The following NCAM1 variants were observed in gnomAD, a reference collection of about 807,000 sequenced individuals.
NCAM1 encodes neural cell adhesion molecule 1, also known as antigen recognized by monoclonal antibody 5.1H11.
A neutral mutation model predicts 109.8 loss-of-function variants in NCAM1; 14 were observed. The observed-to-expected ratio is 0.13, with a 90% CI of 0.08 to 0.20. NCAM1 has a LOEUF of 0.20. Ranked by LOEUF, NCAM1 falls within the 10% of genes least tolerant of loss-of-function variation. NCAM1 has a pLI of 1.00. For synonymous variants in NCAM1, 418 were observed against 442.9 expected (o/e 0.94, Z 0.70); for missense variants, 774 against 1,109.9 (o/e 0.70, Z 4.30).
At chr11:113,054,772 T>C (rs1953630033) in intron 1 of NCAM1, among the ~76,000 whole-genome samples, 1 of 152,188 alleles carries the variant, frequency 6.6e-6, no homozygotes, top group South Asian at 2.1e-4. Context: ...TCTACAATGT[T>C]GCTTGAAAGG....
At chr11:113,039,484 C>T (rs1475523482) in intron 1 of NCAM1, among the ~76,000 whole-genome samples, 1 of 152,200 alleles carries the variant, frequency 6.6e-6, no homozygotes, top group Non-Finnish European at 1.5e-5. Flanking sequence ...CTTCAGTCAT[C>T]TCAAGAACCA....
chr11:113,172,419 G>C (rs1555106396), intron 1 of NCAM1, among the ~76,000 whole-genome samples: 1 of 152,084 alleles, frequency 6.6e-6, no homozygotes, highest in African/African-American at 2.4e-5. Context: ...GATCCTCATT[G>C]TGTTCTGGAA....
Position 113,271,870 on chromosome 11 carries a change from A to G in NCAM1, c.2450A>G (p.Glu817Gly), listed in dbSNP as rs1182629469. The change falls in exon 19 of 20, where the codon GAG becomes GGG. Residue 817 changes from glutamate (E) to glycine (G), a missense_variant. Glu to Gly is a moderately conservative substitution (Grantham distance 98). This residue lies in a region of NCAM1 where 122 missense variants were observed against 129.7 expected (regional missense o/e 0.94). Transcript: ENST00000316851. ...TEPNETTPLT[E>G]PEKGPVEAKP... ...CCCAACGAGACCACGCCACTGACGG[A>G]GCCCGAGTACGTGGGCTGGGAGGGG... 1 of 1,563,456 alleles carries G rather than the reference A, an allele frequency of 6.4e-7. No homozygotes were observed. The highest frequency in any genetic ancestry group is 8.7e-7 in the Non-Finnish European group (1 of 1,154,546).
chr11:113,206,019 G>T, intron 4 of NCAM1, 24 bp from the exon 5 acceptor site: 2 of 1,613,696 alleles, frequency 1.2e-6, no homozygotes, highest in South Asian at 1.1e-5. Flanking sequence ...ATTCTTGGAT[G>T]AACCTGCCTC....
rs781837211 is a variant in NCAM1, at chr11:113,232,329, A to C, written c.1400A>C (p.Asn467Thr). ...SSNYSNIKIY[N>T]TPSASYLEVT... is the part of the protein sequence containing the mutation. ...AATTACAGCAATATCAAGATCTACA[A>C]CACCCCCTCTGCCAGCTATCTGGAG... is the stretch of plus-strand genomic sequence containing the variant. The change falls in exon 11 of 20, where the codon AAC becomes ACC. Residue 467 changes from asparagine to threonine, a missense_variant. By Grantham distance (65) the Asn-to-Thr change is moderately conservative. This residue lies in a region of NCAM1 where 523 missense variants were observed against 784.2 expected (regional missense o/e 0.67). Transcript: ENST00000316851. The C allele has an allele frequency of 5.0e-6, 8 of 1,611,796 alleles. No individual in the cohort carries two copies. Among genetic ancestry groups the C allele is most frequent in the African/African-American group, 1.3e-5 (1 of 74,672 alleles).
At chr11:113,026,853 A>G (rs1284559142) in intron 1 of NCAM1, among the ~76,000 whole-genome samples, 5 of 152,260 alleles carry the variant, frequency 3.3e-5, no homozygotes, top group Admixed American at 2.6e-4. Flanking sequence ...AAACAGGCTC[A>G]GAGTGAGTAG....
intron 1 of NCAM1, among the ~76,000 whole-genome samples, chr11:113,070,855 A>G (rs1049374263): frequency 6.6e-6 from 1 of 152,162 alleles, no homozygotes; most frequent in Non-Finnish European, 1.5e-5. Flanking sequence ...TAAATGGGAA[A>G]GGGAGCTGAC....
chr11:113,059,950 C>T (rs1292033723), intron 1 of NCAM1, among the ~76,000 whole-genome samples: 1 of 152,126 alleles, frequency 6.6e-6, no homozygotes, highest in Non-Finnish European at 1.5e-5. Flanking sequence ...GAATGAGAGC[C>T]AGGACATATC....
At chr11:113,133,673 CA>C (rs1941493360) in intron 1 of NCAM1, 1 of 151,696 alleles carries the variant, frequency 6.6e-6, no homozygotes, top group Middle Eastern at 3.2e-3. Flanking sequence ...GGGAGGAAGT[CA>C]GGGGGGAATC....
At chr11:112,994,491 C>T (rs887985233) in intron 1 of NCAM1, among the ~76,000 whole-genome samples, 4 of 152,180 alleles carry the variant, frequency 2.6e-5, no homozygotes, top group African/African-American at 9.7e-5. Context: ...TGTGGTGGCT[C>T]TTTTCAATGA....
At chr11:113,252,541 C>A (rs1305762640) in intron 15 of NCAM1, among the ~76,000 whole-genome samples, 2 of 152,094 alleles carry the variant, frequency 1.3e-5, no homozygotes, top group Non-Finnish European at 2.9e-5. Flanking sequence ...TTTGAGACTT[C>A]AGTGCCTAAT....
intron 1 of NCAM1, among the ~76,000 whole-genome samples, chr11:112,969,727 A>T (rs1950824591): frequency 6.6e-6 from 1 of 152,200 alleles, no homozygotes; most frequent in Non-Finnish European, 1.5e-5. Context: ...ATGTTTGTTT[A>T]AAAAGGTGTA....
chr11:113,260,092 T>A, intron 16 of NCAM1, 54 bp from the exon 17 acceptor site: 1 of 1,524,870 alleles, frequency 6.6e-7, no homozygotes. Flanking sequence ...ACCAGTACTT[T>A]TATCTAAAGC....
Position 113,207,398 on chromosome 11 carries a change from C to A in NCAM1, c.746+20C>A, listed in dbSNP as rs565989209. 4 of 1,584,056 alleles carry A rather than the reference C, an allele frequency of 2.5e-6. No individual in the cohort carries two copies. Among genetic ancestry groups the A allele is most frequent in the East Asian group, 2.2e-5 (1 of 44,718 alleles). On this transcript the variant is annotated intron_variant, in intron 6 of 19. Transcript: ENST00000316851. Reference sequence around the variant, plus strand: ...GACAAAGTAAGAAACTGGCTCATACCTTTTATCATGGACTAGAGGAGAATG... The same window carrying A: ...GACAAAGTAAGAAACTGGCTCATACATTTTATCATGGACTAGAGGAGAATG...
intron 17 of NCAM1, chr11:113,265,313 G>C (rs1053481776): frequency 3.5e-5 from 11 of 313,340 alleles, no homozygotes; most frequent in Non-Finnish European, 4.6e-6. Context: ...TAGTAGCCTG[G>C]TGAATGAAAT....
intron 1 of NCAM1, among the ~76,000 whole-genome samples, chr11:113,187,541 CTGTGTGTGTGTGTGTGTGTTTCTGTGTG>C (rs1238781951): frequency 7.0e-6 from 1 of 142,194 alleles, no homozygotes; most frequent in African/African-American, 2.6e-5. Flanking sequence ...CACTGAGGAT[CTGTGTGTGTGTGTGTGTGTTTCTGTGTG>C]TGTGTGTGTG....
In NCAM1 at chr11:113,275,676, T is replaced by C; in HGVS notation, c.*289T>C. 1 of 246,932 alleles carries C rather than the reference T, an allele frequency of 4.0e-6. No individual in the cohort carries two copies. Among genetic ancestry groups the C allele is most frequent in the East Asian group, 8.6e-5 (1 of 11,668 alleles). The allele number at this position is 246,932 out of a possible 1,614,324, so 15.3% of individuals were successfully genotyped here. A position where few individuals can be genotyped will look rare whatever the true frequency, so the allele number is the denominator to read the frequency against. Reference sequence around the variant, plus strand: ...AGCCAAACTAGGACACTCCGTTCCCTGAAACCGTTAAAAAATCAAACAAAA... The same window carrying C: ...AGCCAAACTAGGACACTCCGTTCCCCGAAACCGTTAAAAAATCAAACAAAA... On this transcript the variant is annotated 3_prime_UTR_variant, in exon 20 of 20. Transcript: ENST00000316851.
At chr11:113,235,969 C>T (rs1435185937) in intron 14 of NCAM1, among the ~76,000 whole-genome samples, 1 of 152,170 alleles carries the variant, frequency 6.6e-6, no homozygotes, top group Non-Finnish European at 1.5e-5. Context: ...TACCGTAGAA[C>T]TAAATTTCTG....
intron 1 of NCAM1, among the ~76,000 whole-genome samples, chr11:112,996,235 G>A (rs1951593235): frequency 6.6e-6 from 1 of 152,024 alleles, no homozygotes; most frequent in Non-Finnish European, 1.5e-5. Flanking sequence ...TTTTATATAT[G>A]GTTTATAAAA....
Sources: gnomAD v4.1 joint callset for allele counts (sites outside exome capture counted in the v4.1 genomes callset) on GRCh38, gnomAD v4.1.1 for gene constraint, gnomAD v4.1.1 regional missense constraint, MANE v1.5 for transcripts, NCBI Gene and HGNC (gene_info 2026-07-23, HGNC 2026-07-21) for gene names.